Variants in SNTG1 observed in about 807,000 individuals in gnomAD.
The protein encoded by SNTG1 is syntrophin gamma 1, also known as gamma-1-syntrophin.
SNTG1 carries 39 observed loss-of-function variants against 74.7 expected under a neutral mutation model. The ratio of observed to expected loss-of-function variants is 0.52; its 90% CI spans 0.40 to 0.68. The LOEUF (loss-of-function observed/expected upper bound fraction) is 0.68. Ranked by LOEUF, SNTG1 falls within the 30% of genes least tolerant of loss-of-function variation. The pLI is 0.00. For synonymous variants in SNTG1, 254 were observed against 217.1 expected, an observed-to-expected ratio of 1.17 and a Z score of -1.49; for missense variants, 685 against 609.5, an observed-to-expected ratio of 1.12 and a Z score of -1.30.
chr8:50,191,131 G>A (rs1180649944), intron 2 of SNTG1, among the ~76,000 whole-genome samples: 3 of 152,006 alleles, frequency 2.0e-5, no homozygotes, highest in African/African-American at 7.2e-5. Flanking sequence ...CAAAGTTTAT[G>A]AGACTTTTAT....
intron 11 of SNTG1, among the ~76,000 whole-genome samples, chr8:50,543,632 C>G (rs2094364883): frequency 6.6e-6 from 1 of 152,004 alleles, no homozygotes; most frequent in South Asian, 2.1e-4. Flanking sequence ...TTTGATTATT[C>G]TAAGTAAAGA....
chr8:50,167,827 A>C (rs1355109364), intron 1 of SNTG1, among the ~76,000 whole-genome samples: 1 of 150,954 alleles, frequency 6.6e-6, no homozygotes, highest in Non-Finnish European at 1.5e-5. Context: ...AAAAAAAAAA[A>C]AGGTAAAGAA....
At position 50,450,716 on chromosome 8, in the gene SNTG1, G is replaced by A. The variant is rs145685246; in HGVS notation, c.350G>A (p.Arg117Lys). 1.6e-5 allele frequency: 26 copies of A among 1,613,114 alleles called. No homozygotes were observed. The highest frequency in any genetic ancestry group is 2.2e-5 in the Non-Finnish European group (26 of 1,179,704). The change falls in exon 8 of 19, where the codon AGA becomes AAA. Residue 117 changes from arginine (R) to lysine (K), a missense_variant. Coordinates refer to ENST00000642720, the MANE Select transcript of SNTG1 (RefSeq NM_018967.5). ...QINGINVRKC[R>K]HEEVVQVLRN... ...AATGGCATTAATGTGAGAAAATGTA[G>A]ACATGAAGAAGTGGTGAGTTTACTT...
rs763774655 is a variant in SNTG1 at position 50,450,613 on chromosome 8, C to T, written c.321+14C>T. 8.7e-6 allele frequency: 14 copies of T among 1,613,424 alleles called. 1 individual carries two copies. The Admixed American group carries it at 1.7e-4, about 19-fold the overall frequency. On this transcript the variant is annotated intron_variant, in intron 7 of 18. Coordinates refer to ENST00000642720, the MANE Select transcript of SNTG1 (RefSeq NM_018967.5). ...GCAATTCTACAGGTATACATTTTAT[C>T]ACTATATGTGTGGTCAAAACATTAA...
intron 3 of SNTG1, among the ~76,000 whole-genome samples, chr8:50,395,861 T>C (rs1474913032): frequency 6.6e-6 from 1 of 152,194 alleles, no homozygotes; most frequent in African/African-American, 2.4e-5. Context: ...AAGTCTTCTA[T>C]TTCCATTAAT....
intron 1 of SNTG1, among the ~76,000 whole-genome samples, chr8:49,994,534 G>A (rs1329150779): frequency 6.6e-6 from 1 of 151,396 alleles, no homozygotes; most frequent in Non-Finnish European, 1.5e-5. Context: ...CAAAGTGTTG[G>A]GATTACAGGA....
At chr8:49,912,445 C>T (rs7837854) in intron 1 of SNTG1, among the ~76,000 whole-genome samples, 1,934 of 152,242 alleles carry the variant, frequency 0.013, 44 homozygotes, top group African/African-American at 0.042. Flanking sequence ...TTTTAGCTGG[C>T]CATTTTTCTT....
chr8:50,429,347 A>G (rs748819419), intron 4 of SNTG1, among the ~76,000 whole-genome samples: 8 of 152,156 alleles, frequency 5.3e-5, no homozygotes, highest in Admixed American at 2.0e-4. Context: ...TTCATAGTCG[A>G]CTTATTTTTA....
Position 50,729,315 on chromosome 8 carries a change from G to A in SNTG1, c.1284+20337G>A, listed in dbSNP as rs138520895. Among the ~76,000 whole-genome samples, 32 of 152,264 alleles carry A rather than the reference G, an allele frequency of 2.1e-4. 1 individual carries two copies. The highest frequency in any genetic ancestry group is 7.0e-4 in the African/African-American group (29 of 41,548). Reference sequence around the variant, plus strand: ...TATAATGTGTAGCCCTGGATACATGGGATACATGTAAGCATTTCTCTCTAC... The same window carrying A: ...TATAATGTGTAGCCCTGGATACATGAGATACATGTAAGCATTTCTCTCTAC... On this transcript the variant is annotated intron_variant, in intron 17 of 18. Coordinates refer to ENST00000642720, the MANE Select transcript of SNTG1 (RefSeq NM_018967.5).
chr8:50,742,506 G>T (rs1156442629), intron 17 of SNTG1, among the ~76,000 whole-genome samples: 2 of 151,816 alleles, frequency 1.3e-5, no homozygotes, highest in Admixed American at 6.6e-5. Flanking sequence ...AGCGAAAGCA[G>T]TACTAAAAGG....
rs189616760 is a variant in SNTG1, at chr8:50,709,647, T to C, written c.1284+669T>C. On this transcript the variant is annotated intron_variant, in intron 17 of 18. Coordinates refer to ENST00000642720, the MANE Select transcript of SNTG1 (RefSeq NM_018967.5). Reference sequence around the variant, plus strand: ...GACAAAGCCAAAGCATTGCACATTATTATCATTATTTTTAATTGGAAGCGA... The same window carrying C: ...GACAAAGCCAAAGCATTGCACATTACTATCATTATTTTTAATTGGAAGCGA... Among the ~76,000 whole-genome samples the C allele has an allele frequency of 2.0e-5, 3 of 152,256 alleles. No homozygotes were observed. In the East Asian group the frequency reaches 5.8e-4, roughly 29 times the overall value.
At chr8:49,994,286 C>T (rs1259451427) in intron 1 of SNTG1, among the ~76,000 whole-genome samples, 4 of 135,936 alleles carry the variant, frequency 2.9e-5, no homozygotes, top group Non-Finnish European at 6.1e-5. Context: ...GATGGAGTCT[C>T]ACTCTGTCAC....
chr8:50,779,581 T>C (rs1422672333), intron 18 of SNTG1, among the ~76,000 whole-genome samples: 2 of 152,188 alleles, frequency 1.3e-5, no homozygotes, highest in East Asian at 3.9e-4. Flanking sequence ...CGAAGTTGCT[T>C]ATCAGCTTAA....
At chr8:49,946,405 G>A (rs1809192471) in intron 1 of SNTG1, among the ~76,000 whole-genome samples, 1 of 152,102 alleles carries the variant, frequency 6.6e-6, no homozygotes, top group Admixed American at 6.5e-5. Context: ...AAAACTCTGG[G>A]AGATACGTGT....
At chr8:50,088,116 A>G (rs1563574399) in intron 1 of SNTG1, among the ~76,000 whole-genome samples, 1 of 150,370 alleles carries the variant, frequency 6.7e-6, no homozygotes, top group Non-Finnish European at 1.5e-5. Context: ...CGAACTCATC[A>G]TTTTTTATGG....
intron 1 of SNTG1, among the ~76,000 whole-genome samples, chr8:50,168,902 C>A (rs977119769): frequency 6.6e-5 from 10 of 152,176 alleles, no homozygotes; most frequent in African/African-American, 2.2e-4. Context: ...AAGCAGGAAA[C>A]TGACCTTGGT....
intron 13 of SNTG1, among the ~76,000 whole-genome samples, chr8:50,653,132 A>G (rs1356940782): frequency 6.6e-6 from 1 of 151,698 alleles, no homozygotes; most frequent in African/African-American, 2.4e-5. Context: ...TTATTTATTT[A>G]TTTAGTGTAG....
intron 8 of SNTG1, among the ~76,000 whole-genome samples, chr8:50,456,779 C>T (rs1000460827): frequency 6.6e-6 from 1 of 152,012 alleles, no homozygotes; most frequent in Admixed American, 6.6e-5. Flanking sequence ...CTTAGGAGGG[C>T]CCCAGCCGAT....
At chr8:50,017,959 G>A (rs1816484681) in intron 1 of SNTG1, among the ~76,000 whole-genome samples, 1 of 152,018 alleles carries the variant, frequency 6.6e-6, no homozygotes, top group South Asian at 2.1e-4. Context: ...GCAGAATGTA[G>A]CATTTTCTCA....
Sources: allele counts gnomAD v4.1 joint callset (sites outside exome capture counted in the v4.1 genomes callset), GRCh38; gene constraint gnomAD v4.1.1; transcripts MANE v1.5; gene names NCBI Gene and HGNC (gene_info 2026-07-23, HGNC 2026-07-21).